Variants in EFS observed in about 807,000 individuals in gnomAD.
EFS encodes the protein embryonal Fyn-associated substrate.
In EFS, 34 loss-of-function variants were observed where a neutral mutation model predicts 42.2. The ratio of observed to expected loss-of-function variants is 0.81; its 90% CI spans 0.61 to 1.07. The LOEUF is 1.07. Ranked by LOEUF, EFS falls within the 50% of genes least tolerant of loss-of-function variation. EFS has a pLI of 0.00. For missense variants in EFS, 717 were observed against 729.4 expected (o/e 0.98, Z 0.20); for synonymous variants, 299 against 320.7 (o/e 0.93, Z 0.72).
rs753457319 is a variant in EFS, at chr14:23,365,042, G to T, written c.-17C>A. Reference sequence around the variant, plus strand: ...AATGGCCATGGCTTTGGCCTCCCGCGCAGCCTGCCTCAGGCCAGGCTCGGT... The same window carrying T: ...AATGGCCATGGCTTTGGCCTCCCGCTCAGCCTGCCTCAGGCCAGGCTCGGT... On this transcript the variant is annotated 5_prime_UTR_variant, in exon 1 of 6. Coordinates refer to ENST00000216733, the MANE Select transcript of EFS (RefSeq NM_005864.4). The surrounding 1 kb of genome is among the most constrained non-coding windows in gnomAD (Gnocchi z 5.3). The T allele has an allele frequency of 1.5e-6, 2 of 1,321,950 alleles. No individual in the cohort carries two copies. The highest frequency in any genetic ancestry group is 3.0e-5 in the African/African-American group (2 of 66,488). 81.9% of individuals were successfully genotyped at this position (1,321,950 alleles called of 1,614,324 possible).
chr14:23,358,353 C>T lies in EFS; in HGVS notation c.1251+523G>A, dbSNP rs993727207. On this transcript the variant is annotated intron_variant, in intron 5 of 5. Coordinates refer to ENST00000216733, the MANE Select transcript of EFS (RefSeq NM_005864.4). ...ACTGTGGCTGTGATTAATACTAACA[C>T]GTGCAGTGTGCCTAGCACAGGGTCT... Among the ~76,000 whole-genome samples, 8 of 152,350 alleles carry T rather than the reference C, an allele frequency of 5.3e-5. No homozygotes were observed. The East Asian group carries it at 1.5e-3, about 29-fold the overall frequency.
rs1266440577 is a variant in EFS at position 23,360,850 on chromosome 14, G to A, written c.19-17C>T. 3.7e-6 allele frequency: 6 copies of A among 1,601,428 alleles called. No individual in the cohort carries two copies. The Admixed American group carries it at 8.4e-5, about 23-fold the overall frequency. ...CAGCTGGGTCTGGTTGGGGAGGTGG[G>A]AGTGGGGAGAAGGGTCTTCAGACCC... On this transcript the variant is annotated splice_polypyrimidine_tract_variant and intron_variant, in intron 1 of 5. Transcript: ENST00000216733.
At position 23,358,883 on chromosome 14, in the gene EFS, G is replaced by C; in HGVS notation, c.1244C>G (p.Ala415Gly). Residue 415 changes from alanine to glycine, a missense_variant, in exon 5 of 6, where the codon GCG becomes GGG. By Grantham distance (60) the Ala-to-Gly change is moderately conservative. Transcript: ENST00000216733. ...DPELPERGMP[A>G]PQEALSPGEP... Reference sequence around the variant, plus strand: ...CATTCCCGCCAGGGTCACCTGCGGCGCCGGCATCCCCCTCTCGGGCAGTTC... The same window carrying C: ...CATTCCCGCCAGGGTCACCTGCGGCCCCGGCATCCCCCTCTCGGGCAGTTC... 6.2e-7 allele frequency: 1 copy of C among 1,610,676 alleles called. No homozygotes were observed. Among genetic ancestry groups the C allele is most frequent in the South Asian group, 1.1e-5 (1 of 90,460 alleles).
chr14:23,364,475 G>A (rs760579636), intron 1 of EFS, among the ~76,000 whole-genome samples: 9 of 152,142 alleles, frequency 5.9e-5, no homozygotes, highest in Non-Finnish European at 1.2e-4. Context: ...CTGAGGCTCT[G>A]GCTGACATCA....
Position 23,365,047 on chromosome 14 carries a change from C to G in EFS, c.-22G>C, listed in dbSNP as rs199963356. The G allele has an allele frequency of 1.6e-4, 209 of 1,317,274 alleles. 1 individual carries two copies. The East Asian group carries it at 5.7e-3, about 36-fold the overall frequency. The allele number at this position is 1,317,274 out of a possible 1,614,324, so 81.6% of individuals were successfully genotyped here. A position where few individuals can be genotyped will look rare whatever the true frequency, so the allele number is the denominator to read the frequency against. ...CCATGGCTTTGGCCTCCCGCGCAGC[C>G]TGCCTCAGGCCAGGCTCGGTTTTGC... On this transcript the variant is annotated 5_prime_UTR_variant, in exon 1 of 6. Coordinates refer to ENST00000216733, the MANE Select transcript of EFS (RefSeq NM_005864.4). This position sits in a 1 kb window ranked among gnomAD's most constrained non-coding sequence, Gnocchi z 5.3.
In EFS at chr14:23,359,926, A is replaced by C. The variant is rs766562588; in HGVS notation, c.552T>G (p.Asp184Glu). Residue 184 changes from aspartate to glutamate, a missense_variant, in exon 4 of 6, where the codon GAT (aspartate) becomes GAG (glutamate). Asp to Glu is a conservative substitution (Grantham distance 45). Transcript: ENST00000216733. ...TCAGAGGCACATCATAGGGAGCATC[A>C]TCCTCTCCAGGGGGCTGCGGGGCAA... is the stretch of plus-strand genomic sequence containing the variant. ...TRVAPQPPGE[D>E]DAPYDVPLTP... is the part of the protein sequence containing the mutation. The C allele has an allele frequency of 6.4e-7, 1 of 1,551,564 alleles. No individual in the cohort carries two copies. The highest frequency in any genetic ancestry group is 1.2e-5 in the South Asian group (1 of 80,438).
At chr14:23,364,804 AG>A (rs1335599557) in intron 1 of EFS, among the ~76,000 whole-genome samples, 1 of 151,778 alleles carries the variant, frequency 6.6e-6, no homozygotes, top group East Asian at 1.9e-4. Context: ...GGCGGGGAAG[AG>A]GGGCGAGCCC....
At chr14:23,362,580 A>C (rs981344732) in intron 1 of EFS, among the ~76,000 whole-genome samples, 1 of 152,242 alleles carries the variant, frequency 6.6e-6, no homozygotes, top group Non-Finnish European at 1.5e-5. Context: ...TCCCACACAA[A>C]GAAACGTGCT....
At position 23,358,936 on chromosome 14, in the gene EFS, G is replaced by C; in HGVS notation, c.1191C>G (p.Pro397=). ...KGMDKAQGSR[P]PDQACTGDPE... is the part of the protein sequence containing the mutation. ...GATCCCCTGTGCAGGCCTGATCCGG[G>C]GGCCTAGATCCCTGAGCTTTGTCCA... The change falls in exon 5 of 6, where the codon CCC becomes CCG. Residue 397 remains proline (P), a synonymous_variant. Coordinates refer to ENST00000216733, the MANE Select transcript of EFS (RefSeq NM_005864.4). 6.2e-7 allele frequency: 1 copy of C among 1,613,076 alleles called. No homozygotes were observed. Among genetic ancestry groups the C allele is most frequent in the South Asian group, 1.1e-5 (1 of 90,912 alleles).
In EFS at chr14:23,357,349, A is replaced by G; in HGVS notation, c.1563T>C (p.Ala521=). ...GGTAGCCCAGGGCAGCTCCCTTGAC[A>G]GCCAGCACAGTGGCCCGCAATGCCT... The part of the protein sequence containing the change: ...LGQALRATVL[A]VKGAALGYPS... The change falls in exon 6 of 6, where the codon GCT becomes GCC. Residue 521 remains alanine, a synonymous_variant. Transcript: ENST00000216733. 1 of 1,611,514 alleles carries G rather than the reference A, an allele frequency of 6.2e-7. No individual in the cohort carries two copies. The highest frequency in any genetic ancestry group is 8.5e-7 in the Non-Finnish European group (1 of 1,178,102).
chr14:23,361,300 A>G (rs1469795823), intron 1 of EFS, among the ~76,000 whole-genome samples: 1 of 152,196 alleles, frequency 6.6e-6, no homozygotes, highest in Non-Finnish European at 1.5e-5. Flanking sequence ...ACAGTCTCTC[A>G]TAGACCTTCT....
At chr14:23,358,025 T>G (rs766114372) in intron 5 of EFS, among the ~76,000 whole-genome samples, 6 of 152,288 alleles carry the variant, frequency 3.9e-5, no homozygotes, top group Non-Finnish European at 5.9e-5. Context: ...AACCCTAATA[T>G]ATTTTATCTA....
chr14:23,359,069 A>C, intron 4 of EFS, 104 bp from the exon 5 acceptor site: 1 of 1,203,014 alleles, frequency 8.3e-7, no homozygotes. Flanking sequence ...TCCGAAGGAC[A>C]CTCCTGTTAT....
chr14:23,357,593 G>A lies in EFS; in HGVS notation c.1319C>T (p.Ala440Val). The change falls in exon 6 of 6, where the codon GCT (alanine) becomes GTT (valine). Residue 440 changes from alanine to valine, a missense_variant. By Grantham distance (64) the Ala-to-Val change is moderately conservative. Coordinates refer to ENST00000216733, the MANE Select transcript of EFS (RefSeq NM_005864.4). ...TGAGTAGTGGCTCTGGCATTGCCCA[G>A]CATAGAAGTACAGGAGCTGCAGATC... ...TGDLQLLYFY[A>V]GQCQSHYSAL... The A allele has an allele frequency of 6.3e-7, 1 of 1,594,152 alleles. No individual in the cohort carries two copies. The highest frequency in any genetic ancestry group is 1.1e-5 in the South Asian group (1 of 88,908).
At chr14:23,357,755 G>A (rs1889977720) in intron 5 of EFS, 95 bp from the exon 6 acceptor site, 6 of 1,118,690 alleles carry the variant, frequency 5.4e-6, no homozygotes, top group African/African-American at 1.6e-5. Flanking sequence ...TCCCAAGGGC[G>A]ATCCTTTTAG....
At position 23,360,645 on chromosome 14, in the gene EFS, G is replaced by A. The variant is rs776076766; in HGVS notation, c.207C>T (p.Gly69=). 1 of 1,611,950 alleles carries A rather than the reference G, an allele frequency of 6.2e-7. No individual in the cohort carries two copies. The highest frequency in any genetic ancestry group is 8.5e-7 in the Non-Finnish European group (1 of 1,178,892). Residue 69 remains glycine, a synonymous_variant, in exon 2 of 6, where the codon GGC becomes GGT. Coordinates refer to ENST00000216733, the MANE Select transcript of EFS (RefSeq NM_005864.4). ...GAGAGAGGCTGGGCTTGGGTGCTGG[G>A]CCAGCAGGCAAGAGCTTCACCCTGT... ...PANRVKLLPA[G]PAPKPSLSPA...
intron 2 of EFS, 80 bp downstream of exon 2, chr14:23,360,475 C>G (rs1057339022): frequency 1.3e-6 from 2 of 1,508,850 alleles, no homozygotes; most frequent in South Asian, 2.7e-5. Flanking sequence ...TCCTGCCCAC[C>G]TGCTGCAGGC....
rs1890016941 is a variant in EFS at position 23,358,915 on chromosome 14, C to T, written c.1212G>A (p.Gly404=). Residue 404 remains glycine, a synonymous_variant, in exon 5 of 6, where the codon GGG becomes GGA. Transcript: ENST00000216733. Reference sequence around the variant, plus strand: ...TCCCCCTCTCGGGCAGTTCAGGATCCCCTGTGCAGGCCTGATCCGGGGGCC... The same window carrying T: ...TCCCCCTCTCGGGCAGTTCAGGATCTCCTGTGCAGGCCTGATCCGGGGGCC... ...GSRPPDQACT[G]DPELPERGMP... The T allele has an allele frequency of 6.2e-7, 1 of 1,613,206 alleles. No individual in the cohort carries two copies. Among genetic ancestry groups the T allele is most frequent in the East Asian group, 2.2e-5 (1 of 44,848 alleles).
chr14:23,361,338 T>A lies in EFS; in HGVS notation c.19-505A>T, dbSNP rs1161503146. ...CTGTTCCCAAGTCATTATCCCTCACTAGCAAAAGGTTAGATTAAGCAGCCA... is the reference window on the plus strand; with the variant it reads ...CTGTTCCCAAGTCATTATCCCTCACAAGCAAAAGGTTAGATTAAGCAGCCA... On this transcript the variant is annotated intron_variant, in intron 1 of 5. Transcript: ENST00000216733. Among the ~76,000 whole-genome samples, 3 of 152,134 alleles carry A rather than the reference T, an allele frequency of 2.0e-5. No individual in the cohort carries two copies. The East Asian group carries it at 5.8e-4, about 29-fold the overall frequency.
Sources: allele counts gnomAD v4.1 joint callset (sites outside exome capture counted in the v4.1 genomes callset), GRCh38; gene constraint gnomAD v4.1.1; non-coding constraint Gnocchi (gnomAD v3.1); transcripts MANE v1.5; gene names NCBI Gene and HGNC (gene_info 2026-07-23, HGNC 2026-07-21).